The following POFUT4 variants were observed in gnomAD, a reference collection of about 807,000 sequenced individuals.
POFUT4 encodes GDP-fucose protein O-fucosyltransferase 4.
chr10:73,773,073 G>GGA, the POFUT4 span: 1 of 1,544,874 alleles, frequency 6.5e-7, no homozygotes, highest in Non-Finnish European at 8.7e-7. Context: ...GGAAGGAAAA[G>GGA]GAGAGGGCGG....
At chr10:73,773,896 T>C in the POFUT4 span, 1 of 1,450,986 alleles carries the variant, frequency 6.9e-7, no homozygotes, top group African/African-American at 1.4e-5. Flanking sequence ...CACTAGGTGC[T>C]GAGCAGGTGC....
chr10:73,773,441 C>T, the POFUT4 span: 12 of 1,614,106 alleles, frequency 7.4e-6, no homozygotes, highest in Non-Finnish European at 1.0e-5. Flanking sequence ...ACAATCACTC[C>T]GTCATCCTGA....
chr10:73,778,356 G>A, the POFUT4 span, among the ~76,000 whole-genome samples: 1 of 140,958 alleles, frequency 7.1e-6, no homozygotes, highest in South Asian at 2.2e-4. Flanking sequence ...TCGCACCATT[G>A]CACTCCAGCC....
At chr10:73,778,549 T>C in the POFUT4 span, among the ~76,000 whole-genome samples, 2 of 152,130 alleles carry the variant, frequency 1.3e-5, no homozygotes, top group Non-Finnish European at 2.9e-5. Context: ...AGGGCTACTC[T>C]AGTTGTAATG....
At chr10:73,772,830 A>G in the POFUT4 span, 16 of 1,612,094 alleles carry the variant, frequency 9.9e-6, no homozygotes, top group East Asian at 4.5e-5. Flanking sequence ...CGCCTCTTCA[A>G]TCTTACCTCC....
the POFUT4 span, chr10:73,775,789 T>C: frequency 1.5e-5 from 18 of 1,192,058 alleles, no homozygotes; most frequent in Non-Finnish European, 2.0e-5. Context: ...ACACTGTCTT[T>C]TCATGGATTC....
At chr10:73,772,699 C>A in the POFUT4 span, 3 of 1,578,048 alleles carry the variant, frequency 1.9e-6, no homozygotes, top group African/African-American at 4.1e-5. Context: ...CGCTGCTCTT[C>A]TACGGCACAG....
At chr10:73,772,431 G>T in the POFUT4 span, 1 of 1,567,882 alleles carries the variant, frequency 6.4e-7, no homozygotes, top group Middle Eastern at 1.7e-4. Flanking sequence ...AGGGAGGCCG[G>T]CGGGGAGGCG....
At chr10:73,772,429 CGGCGGGGA>C in the POFUT4 span, 1 of 1,568,926 alleles carries the variant, frequency 6.4e-7, no homozygotes, top group East Asian at 2.4e-5. Context: ...AGAGGGAGGC[CGGCGGGGA>C]GGCGGAGTGG....
At chr10:73,779,577 AAAT>A in the POFUT4 span, 4 of 151,902 alleles carry the variant, frequency 2.6e-5, no homozygotes, top group African/African-American at 9.7e-5. Context: ...AAAAAAAAAA[AAAT>A]CTGTTAAAAT....
the POFUT4 span, chr10:73,773,496 T>C: frequency 6.2e-7 from 1 of 1,614,222 alleles, no homozygotes; most frequent in Non-Finnish European, 8.5e-7. Flanking sequence ...GTTTATTGAC[T>C]TTCTGGACAA....
the POFUT4 span, chr10:73,774,622 C>T: frequency 1.3e-5 from 2 of 152,104 alleles, no homozygotes; most frequent in Admixed American, 6.6e-5. Flanking sequence ...ATTGCTTGAA[C>T]CTAGGAGTTC....
chr10:73,772,604 G>C, the POFUT4 span: 1 of 1,567,384 alleles, frequency 6.4e-7, no homozygotes, highest in Non-Finnish European at 8.6e-7. Context: ...CCACTTCCCG[G>C]GAGACTCGGA....
At chr10:73,773,047 T>G in the POFUT4 span, 1 of 1,564,624 alleles carries the variant, frequency 6.4e-7, no homozygotes, top group African/African-American at 1.4e-5. Context: ...TCCCGGTGAG[T>G]GAGGGCGGGC....
the POFUT4 span, chr10:73,773,962 G>T: frequency 1.2e-6 from 1 of 866,308 alleles, no homozygotes. Context: ...CAGTCTAGTT[G>T]GGGGGATAAG....
the POFUT4 span, chr10:73,776,156 T>G: frequency 6.5e-6 from 1 of 153,606 alleles, no homozygotes; most frequent in East Asian, 1.9e-4. Context: ...AGCAAAACAT[T>G]TGGTGAGTTG....
the POFUT4 span, chr10:73,772,449 C>G: frequency 1.3e-6 from 2 of 1,562,040 alleles, no homozygotes; most frequent in Non-Finnish European, 1.7e-6. Flanking sequence ...GCGGAGTGGG[C>G]GGAACCGTGG....
chr10:73,773,249 C>T, the POFUT4 span: 1 of 1,613,532 alleles, frequency 6.2e-7, no homozygotes, highest in East Asian at 2.2e-5. Flanking sequence ...GGCTACAGGA[C>T]ACAGCCACGG....
chr10:73,775,410 CTT>C, the POFUT4 span: 1 of 1,608,650 alleles, frequency 6.2e-7, no homozygotes, highest in East Asian at 2.2e-5. Context: ...CTTTGTCTTC[CTT>C]TCACAGCAGT....
Sources: allele counts gnomAD v4.1 joint callset (sites outside exome capture counted in the v4.1 genomes callset), GRCh38; gene constraint gnomAD v4.1.1; transcripts MANE v1.5; gene names NCBI Gene and HGNC (gene_info 2026-07-23, HGNC 2026-07-21).